The following YBX1 variants were observed in gnomAD, a reference collection of about 807,000 sequenced individuals.
YBX1 encodes Y-box binding protein 1.
YBX1 carries 3 observed loss-of-function variants against 41.4 expected under a neutral mutation model. The ratio of observed to expected loss-of-function variants is 0.07; its 90% CI spans 0.03 to 0.19. The LOEUF (loss-of-function observed/expected upper bound fraction) is 0.19. Ranked by LOEUF, YBX1 falls within the 10% of genes least tolerant of loss-of-function variation. The pLI is 1.00. For synonymous variants in YBX1, 133 were observed against 165.8 expected, an observed-to-expected ratio of 0.80 and a Z score of 1.52; for missense variants, 274 against 462.8, an observed-to-expected ratio of 0.59 and a Z score of 3.74.
chr1:42,693,272 CTTT>C (rs144349068), intron 2 of YBX1, among the ~76,000 whole-genome samples: 7 of 144,086 alleles, frequency 4.9e-5, no homozygotes, highest in African/African-American at 2.6e-5. Flanking sequence ...ATTTCTTAGA[CTTT>C]TTTTTTTTTT....
At chr1:42,688,096 G>C (rs1361977593) in intron 2 of YBX1, among the ~76,000 whole-genome samples, 1 of 152,098 alleles carries the variant, frequency 6.6e-6, no homozygotes, top group Non-Finnish European at 1.5e-5. Context: ...TACGTGACTT[G>C]GAGAATACTA....
chr1:42,684,991 A>T (rs1650157376), intron 2 of YBX1, among the ~76,000 whole-genome samples: 1 of 152,216 alleles, frequency 6.6e-6, no homozygotes, highest in Non-Finnish European at 1.5e-5. Context: ...AACAGGAATG[A>T]TAATGGTCTT....
intron 6 of YBX1, among the ~76,000 whole-genome samples, chr1:42,697,891 G>A (rs1310119324): frequency 6.6e-6 from 1 of 152,128 alleles, no homozygotes; most frequent in Non-Finnish European, 1.5e-5. Context: ...ATACTTTGAG[G>A]CAGTGTTCCC....
Position 42,703,367 on chromosome 1 carries a change from G to A in YBX1, c.*1418G>A, listed in dbSNP as rs1207264096. On this transcript the variant is annotated 3_prime_UTR_variant, in exon 8 of 8. Coordinates refer to ENST00000321358, the MANE Select transcript of YBX1 (RefSeq NM_004559.5). ...CAGGGCCCAGGGGAAGCAGACAGTA[G>A]GGGTCGGGAGTAGGCCAGAGTGGCA... Among the ~76,000 whole-genome samples the A allele has an allele frequency of 6.6e-6, 1 of 152,102 alleles. No individual in the cohort carries two copies. The highest frequency in any genetic ancestry group is 1.9e-4 in the East Asian group (1 of 5,178).
At position 42,703,481 on chromosome 1, in the gene YBX1, A is replaced by AT. The variant is rs986113177; in HGVS notation, c.*1539dup. Among the ~76,000 whole-genome samples, 14 of 151,886 alleles carry AT rather than the reference A, an allele frequency of 9.2e-5. No individual in the cohort carries two copies. Among genetic ancestry groups the AT allele is most frequent in the Non-Finnish European group, 1.9e-4 (13 of 68,006 alleles). ...CTTGATAAGAGACTACTCAAAAAAA[A>AT]TTTTTTTAACCCTACTTAGTGTAAA... On this transcript the variant is annotated 3_prime_UTR_variant, in exon 8 of 8. Coordinates refer to ENST00000321358, the MANE Select transcript of YBX1 (RefSeq NM_004559.5).
At chr1:42,688,763 A>G (rs1420484784) in intron 2 of YBX1, among the ~76,000 whole-genome samples, 1 of 152,226 alleles carries the variant, frequency 6.6e-6, no homozygotes, top group Non-Finnish European at 1.5e-5. Flanking sequence ...GTTGCTCGAT[A>G]TGTGCTATAG....
At chr1:42,697,906 C>T (rs1036005864) in intron 6 of YBX1, among the ~76,000 whole-genome samples, 2 of 152,062 alleles carry the variant, frequency 1.3e-5, no homozygotes, top group African/African-American at 4.8e-5. Context: ...GTTCCCAGTC[C>T]CACGGTGGTA....
At chr1:42,697,141 T>C (rs1298344616) in intron 5 of YBX1, 39 bp from the exon 6 acceptor site, 1 of 1,594,700 alleles carries the variant, frequency 6.3e-7, no homozygotes, top group Non-Finnish European at 8.5e-7. Flanking sequence ...TTTATTATAT[T>C]ACTGACCCAG....
chr1:42,700,734 AAG>A (rs200044696), intron 6 of YBX1, 45 bp from the exon 7 acceptor site: 1 of 1,525,386 alleles, frequency 6.6e-7, no homozygotes, highest in Non-Finnish European at 8.9e-7. Context: ...GGGTGTGTTG[AAG>A]AGAGAAGGTT....
chr1:42,685,293 A>G (rs546731143), intron 2 of YBX1, among the ~76,000 whole-genome samples: 1 of 152,276 alleles, frequency 6.6e-6, no homozygotes, highest in South Asian at 2.1e-4. Flanking sequence ...AATCAACTCA[A>G]TTGGTCATCC....
At chr1:42,700,737 AGAG>A (rs774984340) in intron 6 of YBX1, 41 bp from the exon 7 acceptor site, 1 of 1,538,022 alleles carries the variant, frequency 6.5e-7, no homozygotes, top group South Asian at 1.2e-5. Context: ...TGTGTTGAAG[AGAG>A]AAGGTTTTAT....
At chr1:42,694,298 C>A (rs1433865328) in intron 3 of YBX1, among the ~76,000 whole-genome samples, 1 of 152,078 alleles carries the variant, frequency 6.6e-6, no homozygotes, top group Admixed American at 6.5e-5. Context: ...CTAATGTAAA[C>A]CACTGCCAAG....
intron 1 of YBX1, 127 bp from the exon 2 acceptor site, chr1:42,683,276 G>T: frequency 4.5e-6 from 5 of 1,099,398 alleles, no homozygotes; most frequent in Non-Finnish European, 6.9e-6. Flanking sequence ...GCACCCGGGC[G>T]GTGGAGAGAA....
intron 6 of YBX1, among the ~76,000 whole-genome samples, chr1:42,699,293 C>T (rs1570424712): frequency 6.6e-6 from 1 of 151,976 alleles, no homozygotes; most frequent in Non-Finnish European, 1.5e-5. Context: ...TAAATTGAGA[C>T]GAAAGTAAAG....
At chr1:42,688,646 T>C (rs151105685) in intron 2 of YBX1, among the ~76,000 whole-genome samples, 1 of 152,242 alleles carries the variant, frequency 6.6e-6, no homozygotes, top group Non-Finnish European at 1.5e-5. Context: ...AGTACACAGG[T>C]ATTGTGGTTT....
chr1:42,696,504 C>T lies in YBX1; in HGVS notation c.355-138C>T. On this transcript the variant is annotated intron_variant, in intron 4 of 7. Coordinates refer to ENST00000321358, the MANE Select transcript of YBX1 (RefSeq NM_004559.5). The surrounding 1 kb of genome is among the most constrained non-coding windows in gnomAD (Gnocchi z 5.7). ...TCATTTCTGTGCACCCCTGGTCACG[C>T]AGTTGCGCCCCCCCCCCCTTTTTTT... 2 of 959,456 alleles carry T rather than the reference C, an allele frequency of 2.1e-6. No homozygotes were observed. The highest frequency in any genetic ancestry group is 1.5e-6 in the Non-Finnish European group (1 of 668,300). The allele number at this position is 959,456 out of a possible 1,614,324, so 59.4% of individuals were successfully genotyped here.
rs979120807 is a variant in YBX1, at chr1:42,702,603, G to T, written c.*654G>T. Among the ~76,000 whole-genome samples, 1 of 152,204 alleles carries T rather than the reference G, an allele frequency of 6.6e-6. No homozygotes were observed. The highest frequency in any genetic ancestry group is 2.4e-5 in the African/African-American group (1 of 41,458). ...CATTTGTAAGAAAGACTTGAGTGTA[G>T]ATTTTGGGTGGGTCCCTTTGGCTGT... is the stretch of plus-strand genomic sequence containing the variant. On this transcript the variant is annotated 3_prime_UTR_variant, in exon 8 of 8. Coordinates refer to ENST00000321358, the MANE Select transcript of YBX1 (RefSeq NM_004559.5).
Position 42,696,735 on chromosome 1 carries a change from C to A in YBX1, c.448C>A (p.Arg150Ser). The A allele has an allele frequency of 6.2e-7, 1 of 1,613,780 alleles. No individual in the cohort carries two copies. ...ADRNHYRRYP[R>S]RRGPPRNYQQ... The stretch of plus-strand genomic sequence containing the variant: ...CCGTAACCATTATAGACGCTATCCA[C>A]GTCGTAGGGGTCCTCCACGCAATTA... The change falls in exon 5 of 8, where the codon CGT (arginine) becomes AGT (serine). Residue 150 changes from arginine (R) to serine (S), a missense_variant. Physicochemically the swap from Arg to Ser is moderately radical, Grantham distance 110. Coordinates refer to ENST00000321358, the MANE Select transcript of YBX1 (RefSeq NM_004559.5). This position sits in a 1 kb window ranked among gnomAD's most constrained non-coding sequence, Gnocchi z 5.7.
In YBX1 at chr1:42,683,366, G is replaced by A. The variant is rs764740970; in HGVS notation, c.167-37G>A. On this transcript the variant is annotated intron_variant, in intron 1 of 7. Coordinates refer to ENST00000321358, the MANE Select transcript of YBX1 (RefSeq NM_004559.5). ...GGGCGGATTTGGAAAAGGATAGCTG[G>A]TAATCGTGGCTTGTTTTGCTTTGTT... The A allele has an allele frequency of 3.1e-6, 5 of 1,613,790 alleles. No individual in the cohort carries two copies. The Admixed American group carries it at 8.3e-5, about 27-fold the overall frequency.
Sources: gnomAD v4.1 joint callset for allele counts (sites outside exome capture counted in the v4.1 genomes callset) on GRCh38, gnomAD v4.1.1 for gene constraint, Gnocchi (gnomAD v3.1) non-coding constraint, MANE v1.5 for transcripts, NCBI Gene and HGNC (gene_info 2026-07-23, HGNC 2026-07-21) for gene names.